Variants in NECTIN1 observed in about 807,000 individuals in gnomAD.
NECTIN1 encodes the protein nectin cell adhesion molecule 1.
In NECTIN1, 23 loss-of-function variants were observed where a neutral mutation model predicts 48.0. That is an observed-to-expected ratio of 0.48 (90% CI 0.34 to 0.68). The LOEUF (loss-of-function observed/expected upper bound fraction) is 0.68, where lower values mean the gene tolerates loss of function less well. NECTIN1 is among the 30% of genes least tolerant of loss of function. NECTIN1 has a pLI of 0.01. For missense variants in NECTIN1, 591 were observed against 709.9 expected, an observed-to-expected ratio of 0.83 and a Z score of 1.90; for synonymous variants, 270 against 288.9, an observed-to-expected ratio of 0.93 and a Z score of 0.66.
In NECTIN1 at chr11:119,650,844, G is replaced by A. The variant is rs138192578; in HGVS notation, c.1004-10832C>T. ...TTATAAAGTATGTTGAACACTGCCTGGCACTTAGGGAGTGATATTGTTAGT... is the reference window on the plus strand; with the variant it reads ...TTATAAAGTATGTTGAACACTGCCTAGCACTTAGGGAGTGATATTGTTAGT... On this transcript the variant is annotated intron_variant, in intron 5 of 7. Transcript: ENST00000341398. Among the ~76,000 whole-genome samples, 5 of 152,278 alleles carry A rather than the reference G, an allele frequency of 3.3e-5. No homozygotes were observed. The East Asian group carries it at 7.7e-4, about 24-fold the overall frequency.
At chr11:119,659,512 G>T (rs1864626255), downstream of NECTIN1, among the ~76,000 whole-genome samples, 1 of 152,178 alleles carries the variant, frequency 6.6e-6, no homozygotes, top group Non-Finnish European at 1.5e-5. Flanking sequence ...GGAGGCAAGG[G>T]TTGTGGTTTG....
At chr11:119,701,001 C>A (rs1865441795) in intron 1 of NECTIN1, among the ~76,000 whole-genome samples, 1 of 152,100 alleles carries the variant, frequency 6.6e-6, no homozygotes, top group African/African-American at 2.4e-5. Flanking sequence ...AGACTCCCAG[C>A]CGTGAGTCAG....
intron 1 of NECTIN1, among the ~76,000 whole-genome samples, chr11:119,688,850 G>T (rs1865206579): frequency 1.3e-5 from 2 of 152,166 alleles, no homozygotes; most frequent in South Asian, 4.2e-4. Context: ...GAGAGAACAG[G>T]GTCCTCTGGG....
chr11:119,644,425 T>A (rs1864367760), intron 5 of NECTIN1, among the ~76,000 whole-genome samples: 2 of 152,190 alleles, frequency 1.3e-5, no homozygotes, highest in Admixed American at 1.3e-4. Context: ...CAGATGTCAG[T>A]GTTCCTGCAC....
chr11:119,644,446 C>T (rs191896874), intron 5 of NECTIN1, among the ~76,000 whole-genome samples: 21 of 152,308 alleles, frequency 1.4e-4, no homozygotes, highest in African/African-American at 4.6e-4. Context: ...CCCAGGCTTC[C>T]CTCAGGGTGG....
chr11:119,639,780 G>A (rs1864297159), intron 6 of NECTIN1: 1 of 1,585,042 alleles, frequency 6.3e-7, no homozygotes, highest in African/African-American at 1.3e-5. Context: ...GCTTTCACAA[G>A]TTTAGGTGCT....
At chr11:119,674,310 A>G (rs1864908973) in intron 5 of NECTIN1, 1 of 1,314,036 alleles carries the variant, frequency 7.6e-7, no homozygotes, top group South Asian at 1.7e-5. Flanking sequence ...CCCCATGTGA[A>G]GTTGTGATGG....
At chr11:119,705,899 A>AG (rs1865540883) in intron 1 of NECTIN1, among the ~76,000 whole-genome samples, 1 of 151,990 alleles carries the variant, frequency 6.6e-6, no homozygotes, top group African/African-American at 2.4e-5. Context: ...GACAGCTGGC[A>AG]GCCCACTCCT....
At chr11:119,724,792 C>T (rs976066397) in intron 1 of NECTIN1, among the ~76,000 whole-genome samples, 1 of 152,226 alleles carries the variant, frequency 6.6e-6, no homozygotes, top group Non-Finnish European at 1.5e-5. Flanking sequence ...GCCCTGTATA[C>T]CTGTGTGCAC....
At position 119,727,936 on chromosome 11, in the gene NECTIN1, A is replaced by G. The variant is rs1336004084; in HGVS notation, c.79+539T>C. ...AGCGAGGAGCCGCCTCTGCCGCAGC[A>G]GCCGACTCTCCGCGCCCGCTGTGGG... On this transcript the variant is annotated intron_variant, in intron 1 of 5. Transcript: ENST00000264025. This position sits in a 1 kb window ranked among gnomAD's most constrained non-coding sequence, Gnocchi z 4.1. Among the ~76,000 whole-genome samples, 1 of 152,164 alleles carries G rather than the reference A, an allele frequency of 6.6e-6. No homozygotes were observed. The highest frequency in any genetic ancestry group is 1.5e-5 in the Non-Finnish European group (1 of 68,016).
intron 5 of NECTIN1, among the ~76,000 whole-genome samples, chr11:119,651,053 C>T (rs1468688248): frequency 6.6e-6 from 1 of 152,148 alleles, no homozygotes; most frequent in Non-Finnish European, 1.5e-5. Context: ...AGTTAGACCT[C>T]TTGCTTGGGG....
At chr11:119,654,667 G>A (rs1487537923) in intron 5 of NECTIN1, among the ~76,000 whole-genome samples, 1 of 151,872 alleles carries the variant, frequency 6.6e-6, no homozygotes, top group Non-Finnish European at 1.5e-5. Context: ...CGCCTCCCCA[G>A]TTCAAGCAAT....
At chr11:119,712,723 T>C (rs1258460013) in intron 1 of NECTIN1, among the ~76,000 whole-genome samples, 1 of 152,202 alleles carries the variant, frequency 6.6e-6, no homozygotes, top group African/African-American at 2.4e-5. Context: ...CAGCCTGACC[T>C]TTAACGGAAG....
chr11:119,669,313 G>A (rs1352243616), intron 5 of NECTIN1, among the ~76,000 whole-genome samples: 3 of 151,770 alleles, frequency 2.0e-5, no homozygotes, highest in Non-Finnish European at 4.4e-5. Flanking sequence ...TTGGGAGGCT[G>A]AGGCAGGAGA....
intron 1 of NECTIN1, among the ~76,000 whole-genome samples, chr11:119,686,795 CATGG>C (rs1865165277): frequency 1.3e-5 from 2 of 152,216 alleles, no homozygotes; most frequent in African/African-American, 4.8e-5. Context: ...TTCCCACCTT[CATGG>C]ATTGCGTGTT....
chr11:119,677,351 A>G lies in NECTIN1; in HGVS notation c.734-132T>C. 3 of 999,524 alleles carry G rather than the reference A, an allele frequency of 3.0e-6. No individual in the cohort carries two copies. The highest frequency in any genetic ancestry group is 4.7e-6 in the Non-Finnish European group (3 of 636,368). The allele number at this position is 999,524 out of a possible 1,614,324, so 61.9% of individuals were successfully genotyped here. On this transcript the variant is annotated intron_variant, in intron 3 of 5. Transcript: ENST00000264025. This position sits in a 1 kb window ranked among gnomAD's most constrained non-coding sequence, Gnocchi z 5.4. ...CAGGAGAGAGGGAAGTGTGGGTGGG[A>G]GGGTGGCAATCACAGAGCCCGGGAG... is the stretch of plus-strand genomic sequence containing the variant.
intron 5 of NECTIN1, chr11:119,674,550 A>T: frequency 1.2e-6 from 2 of 1,614,168 alleles, no homozygotes; most frequent in South Asian, 2.2e-5. Flanking sequence ...GCTGTCTGAC[A>T]TCAAGCCCAT....
intron 1 of NECTIN1, among the ~76,000 whole-genome samples, chr11:119,717,811 C>T (rs938703640): frequency 6.6e-6 from 1 of 152,322 alleles, no homozygotes; most frequent in Admixed American, 6.5e-5. Context: ...CTGGTCCCTT[C>T]GTGCTGGCTG....
At chr11:119,720,672 C>T (rs961031821) in intron 1 of NECTIN1, among the ~76,000 whole-genome samples, 1 of 152,230 alleles carries the variant, frequency 6.6e-6, no homozygotes, top group South Asian at 2.1e-4. Flanking sequence ...GCCATGGCGG[C>T]GTTCTGATGA....
Sources: allele counts gnomAD v4.1 joint callset (sites outside exome capture counted in the v4.1 genomes callset), GRCh38; gene constraint gnomAD v4.1.1; non-coding constraint Gnocchi (gnomAD v3.1); transcripts MANE v1.5; gene names NCBI Gene and HGNC (gene_info 2026-07-23, HGNC 2026-07-21).